The following PRDM16 variants were observed in gnomAD, a reference collection of about 807,000 sequenced individuals.
PRDM16 encodes PR/SET domain 16.
Under a neutral mutation model 110.6 loss-of-function variants are expected in PRDM16, and 23 were observed. The observed-to-expected ratio is 0.21, with a 90% confidence interval of 0.15 to 0.29. The LOEUF is 0.29. Among genes scored for constraint, PRDM16 ranks in the 10% least tolerant of loss-of-function variants. The pLI is 1.00. For synonymous variants in PRDM16, 799 were observed against 781.8 expected (o/e 1.02, Z -0.37); for missense variants, 1,615 against 1,794.3 (o/e 0.90, Z 1.81).
chr1:3,398,011 GT>G (rs1263854502), intron 5 of PRDM16, among the ~76,000 whole-genome samples: 1 of 152,108 alleles, frequency 6.6e-6, no homozygotes, highest in African/African-American at 2.4e-5. Context: ...CTAAAGTTTG[GT>G]TTTATTTAGG....
At chr1:3,084,682 G>A (rs1317610965) in intron 1 of PRDM16, among the ~76,000 whole-genome samples, 2 of 152,134 alleles carry the variant, frequency 1.3e-5, no homozygotes, top group Non-Finnish European at 2.9e-5. Context: ...ATCTGCCAGC[G>A]CTTATATCTA....
At chr1:3,275,866 G>T (rs934644423) in intron 3 of PRDM16, among the ~76,000 whole-genome samples, 2 of 152,196 alleles carry the variant, frequency 1.3e-5, no homozygotes, top group Admixed American at 6.5e-5. Context: ...GTCTCTTCTC[G>T]TGGGGCCAGC....
chr1:3,431,139 CA>C (rs1172729801), intron 15 of PRDM16, 31 bp downstream of exon 15: 3 of 1,541,722 alleles, frequency 1.9e-6, no homozygotes, highest in Non-Finnish European at 2.6e-6. Flanking sequence ...CAGGATGGGG[CA>C]GGGAGGGAAC....
chr1:3,084,807 G>T (rs1412603795), intron 1 of PRDM16, among the ~76,000 whole-genome samples: 2 of 152,174 alleles, frequency 1.3e-5, no homozygotes, highest in Admixed American at 1.3e-4. Context: ...GATCACAAAC[G>T]CTGAGCCCTG....
chr1:3,432,819 C>T (rs190283077), intron 16 of PRDM16, among the ~76,000 whole-genome samples: 5 of 152,314 alleles, frequency 3.3e-5, no homozygotes, highest in African/African-American at 1.2e-4. Context: ...CTGGGCTTCC[C>T]CACCTTCCCT....
intron 2 of PRDM16, among the ~76,000 whole-genome samples, chr1:3,232,576 G>A (rs543527335): frequency 6.6e-6 from 1 of 152,308 alleles, no homozygotes; most frequent in African/African-American, 2.4e-5. Context: ...ACAAATGCTT[G>A]CTTCGTGAGT....
rs911604995 is a variant in PRDM16, at chr1:3,181,836, A to G, written c.38-4289A>G. Among the ~76,000 whole-genome samples, 56 of 89,634 alleles carry G rather than the reference A, an allele frequency of 6.2e-4. 4 individuals carry two copies. Among genetic ancestry groups the G allele is most frequent in the Non-Finnish European group, 1.0e-3 (42 of 41,280 alleles). The allele number at this position is 89,634 out of a possible 152,430, so 58.8% of individuals were successfully genotyped here. A position where few individuals can be genotyped will look rare whatever the true frequency, so the allele number is the denominator to read the frequency against. ...CTTACACATGCGGTCTTACACATTC[A>G]GTCTTACACACGGTCTTACACACGC... On this transcript the variant is annotated intron_variant, in intron 1 of 16. Coordinates refer to ENST00000270722, the MANE Select transcript of PRDM16 (RefSeq NM_022114.4).
At chr1:3,403,133 G>A (rs565694779) in intron 6 of PRDM16, 135 bp downstream of exon 6, 2 of 828,960 alleles carry the variant, frequency 2.4e-6, no homozygotes, top group Admixed American at 2.2e-5. Context: ...TAGACAAAGG[G>A]CCCCCTGGTG....
intron 4 of PRDM16, chr1:3,394,389 A>G (rs1643351255): frequency 2.3e-6 from 1 of 443,774 alleles, no homozygotes; most frequent in African/African-American, 2.0e-5. Flanking sequence ...CCGCCCACCC[A>G]GCCCTCTGCC....
At position 3,433,730 on chromosome 1, in the gene PRDM16, C is replaced by A. The variant is rs546815156; in HGVS notation, c.3750C>A (p.Ser1250=). 1 of 1,614,038 alleles carries A rather than the reference C, an allele frequency of 6.2e-7. No individual in the cohort carries two copies. The highest frequency in any genetic ancestry group is 2.2e-5 in the East Asian group (1 of 44,878). ...LSEDTPLHTP[S]QGSLDAWLKV... ...AAGACACTCCTCTCCACACCCCCTC[C>A]CAGGGTTCTCTGGACGCTTGGTTGA... is the stretch of plus-strand genomic sequence containing the variant. The change falls in exon 17 of 17, where the codon TCC becomes TCA. Residue 1250 remains serine (S), a synonymous_variant. Coordinates refer to ENST00000270722, the MANE Select transcript of PRDM16 (RefSeq NM_022114.4).
intron 3 of PRDM16, among the ~76,000 whole-genome samples, chr1:3,256,846 G>GAA (rs1640060237): frequency 6.8e-6 from 1 of 147,068 alleles, no homozygotes; most frequent in Non-Finnish European, 1.5e-5. Context: ...GACAGAGTGC[G>GAA]ACTCCATCTC....
At chr1:3,430,774 G>A (rs1463659219) in intron 14 of PRDM16, 98 bp from the exon 15 acceptor site, 1 of 1,397,156 alleles carries the variant, frequency 7.2e-7, no homozygotes, top group Non-Finnish European at 1.0e-6. Context: ...TGTTGTCGGG[G>A]GAGGCAGTGG....
intron 1 of PRDM16, among the ~76,000 whole-genome samples, chr1:3,104,946 C>T (rs1642619152): frequency 6.6e-6 from 1 of 152,126 alleles, no homozygotes; most frequent in African/African-American, 2.4e-5. Flanking sequence ...AGGGCTCTTG[C>T]AGGGTGAGTC....
At chr1:3,364,950 C>T (rs1029129526) in intron 3 of PRDM16, among the ~76,000 whole-genome samples, 2 of 152,212 alleles carry the variant, frequency 1.3e-5, no homozygotes, top group Non-Finnish European at 2.9e-5. Context: ...CCCTCATTCC[C>T]TCGTGCAGCC....
At chr1:3,335,602 A>AACGCACACACAC (rs1642127707) in intron 3 of PRDM16, among the ~76,000 whole-genome samples, 1 of 144,436 alleles carries the variant, frequency 6.9e-6, no homozygotes, top group East Asian at 2.1e-4. Context: ...CTGAGGTTAA[A>AACGCACACACAC]ACACACACAC....
intron 2 of PRDM16, among the ~76,000 whole-genome samples, chr1:3,196,502 GC>G (rs1189010514): frequency 6.6e-6 from 1 of 152,240 alleles, no homozygotes; most frequent in Non-Finnish European, 1.5e-5. Context: ...GGGACACTTG[GC>G]AGAGAGTGAG....
intron 3 of PRDM16, among the ~76,000 whole-genome samples, chr1:3,302,259 A>C (rs1641222138): frequency 6.6e-6 from 1 of 152,184 alleles, no homozygotes; most frequent in Non-Finnish European, 1.5e-5. Context: ...AGATCATCAC[A>C]ATGAAGTAAA....
chr1:3,292,625 C>T (rs1234590275), intron 3 of PRDM16, among the ~76,000 whole-genome samples: 12 of 152,074 alleles, frequency 7.9e-5, no homozygotes, highest in Non-Finnish European at 5.9e-5. Context: ...GGGGAAAGGA[C>T]GGTCTGCCTG....
Position 3,369,178 on chromosome 1 carries a change from G to A in PRDM16, c.439-15974G>A, listed in dbSNP as rs201937933. Among the ~76,000 whole-genome samples, 14 of 152,262 alleles carry A rather than the reference G, an allele frequency of 9.2e-5. No homozygotes were observed. In the East Asian group the frequency reaches 2.3e-3, roughly 25 times the overall value. On this transcript the variant is annotated intron_variant, in intron 3 of 16. Transcript: ENST00000270722. ...TAGCTGTAGGTACAGGCTGGAACTC[G>A]GGGGGAGCGAGCGCGCTATTGAACT...
Sources: gnomAD v4.1 joint callset for allele counts (sites outside exome capture counted in the v4.1 genomes callset) on GRCh38, gnomAD v4.1.1 for gene constraint, MANE v1.5 for transcripts, NCBI Gene and HGNC (gene_info 2026-07-23, HGNC 2026-07-21) for gene names.